KCNH8: variants seen among roughly 807,000 people sequenced by gnomAD.
The protein encoded by KCNH8 is voltage-gated delayed rectifier potassium channel KCNH8.
A neutral mutation model predicts 103.6 loss-of-function variants in KCNH8; 70 were observed. The ratio of observed to expected loss-of-function variants is 0.68; its 90% confidence interval spans 0.56 to 0.82. The LOEUF is 0.82. Among genes scored for constraint, KCNH8 ranks in the 40% least tolerant of loss-of-function variants. The pLI, the probability that KCNH8 is intolerant of heterozygous loss-of-function variation, is 0.00. For missense variants in KCNH8, 1,217 were observed against 1,329.9 expected, an observed-to-expected ratio of 0.92 and a Z score of 1.32; for synonymous variants, 498 against 489.4, an observed-to-expected ratio of 1.02 and a Z score of -0.23.
At chr3:19,313,763 A>G (rs1241648499) in intron 3 of KCNH8, among the ~76,000 whole-genome samples, 1 of 151,866 alleles carries the variant, frequency 6.6e-6, no homozygotes, top group Admixed American at 6.6e-5. Context: ...AGTGTCATGC[A>G]TAAGATTATA....
rs889509260 is a variant in KCNH8, at chr3:19,515,504, T to C, written c.2542+76T>C. On this transcript the variant is annotated intron_variant, in intron 14 of 15. Coordinates refer to ENST00000328405, the MANE Select transcript of KCNH8 (RefSeq NM_144633.3). ...TGTAATGTTTGTTATGGGCATTTTTTTTTTTTTGCTTTCCTGTCCTTAGAA... is the reference window on the plus strand; with the variant it reads ...TGTAATGTTTGTTATGGGCATTTTTCTTTTTTTGCTTTCCTGTCCTTAGAA... 10 of 629,918 alleles carry C rather than the reference T, an allele frequency of 1.6e-5. No individual in the cohort carries two copies. In the East Asian group the frequency reaches 3.2e-4, roughly 20 times the overall value. 39.0% of individuals were successfully genotyped at this position (629,918 alleles called of 1,614,324 possible). A position where few individuals can be genotyped will look rare whatever the true frequency, so the allele number is the denominator to read the frequency against.
Position 19,533,713 on chromosome 3 carries a change from C to T in KCNH8, c.2938C>T (p.Pro980Ser), listed in dbSNP as rs1013848471. The change falls in exon 16 of 16, where the codon CCT becomes TCT. Residue 980 changes from proline (P) to serine (S), a missense_variant. Around this residue, in one of 3 missense-constraint regions of KCNH8, gnomAD observed 558 missense variants for 495.8 expected, o/e 1.13. Transcript: ENST00000328405. Reference protein sequence around the residue: ...PQRTGAHEQNPADSELYHSPS... With the variant: ...PQRTGAHEQNSADSELYHSPS... ...ACGAACTGGAGCTCATGAGCAAAAT[C>T]CTGCAGACAGTGAACTTTATCATTC... 7 of 1,614,160 alleles carry T rather than the reference C, an allele frequency of 4.3e-6. No individual in the cohort carries two copies.
intron 7 of KCNH8, among the ~76,000 whole-genome samples, chr3:19,435,054 A>C (rs2067178031): frequency 6.6e-6 from 1 of 152,144 alleles, no homozygotes; most frequent in Non-Finnish European, 1.5e-5. Context: ...ACACACACAC[A>C]AAAAGACAAC....
chr3:19,470,509 G>C (rs1009477863), intron 11 of KCNH8, among the ~76,000 whole-genome samples: 4 of 152,138 alleles, frequency 2.6e-5, no homozygotes, highest in Non-Finnish European at 5.9e-5. Context: ...GTTGATTCTA[G>C]ATTCTTGTGT....
chr3:19,427,325 G>A (rs2067043405), intron 7 of KCNH8, among the ~76,000 whole-genome samples: 1 of 152,172 alleles, frequency 6.6e-6, no homozygotes, highest in Admixed American at 6.6e-5. Context: ...TCTTTCCACT[G>A]TTTCAAATCC....
At chr3:19,256,708 G>A (rs928873113) in intron 2 of KCNH8, among the ~76,000 whole-genome samples, 9 of 152,020 alleles carry the variant, frequency 5.9e-5, no homozygotes, top group Non-Finnish European at 4.4e-5. Flanking sequence ...TAGAAAGTAT[G>A]GCGTACAGGT....
chr3:19,177,842 T>C (rs2063415321), intron 1 of KCNH8, among the ~76,000 whole-genome samples: 1 of 152,126 alleles, frequency 6.6e-6, no homozygotes, highest in South Asian at 2.1e-4. Flanking sequence ...ATAATTAATA[T>C]AATCTTAACA....
chr3:19,500,501 C>T (rs893001772), intron 11 of KCNH8, among the ~76,000 whole-genome samples: 1 of 151,940 alleles, frequency 6.6e-6, no homozygotes, highest in African/African-American at 2.4e-5. Context: ...CAGCACCACA[C>T]CTATTCCAAA....
chr3:19,316,346 T>C (rs2065273925), intron 3 of KCNH8, among the ~76,000 whole-genome samples: 1 of 151,858 alleles, frequency 6.6e-6, no homozygotes, highest in African/African-American at 2.4e-5. Context: ...TTGTCAGATA[T>C]CCCCTTAGTG....
In KCNH8 at chr3:19,382,318, A is replaced by C. The variant is rs573726265; in HGVS notation, c.812-8163A>C. On this transcript the variant is annotated intron_variant, in intron 5 of 15. Transcript: ENST00000328405. ...TATACAGACAGACTCTTAAAGTGTA[A>C]CTTTTAGCTCTTCCACTGCCTAGTT... Among the ~76,000 whole-genome samples, 143 of 152,298 alleles carry C rather than the reference A, an allele frequency of 9.4e-4. 1 individual carries two copies. Among genetic ancestry groups the C allele is most frequent in the Non-Finnish European group, 1.6e-3 (110 of 68,026 alleles).
intron 7 of KCNH8, among the ~76,000 whole-genome samples, chr3:19,424,766 A>G (rs774702927): frequency 6.6e-6 from 1 of 152,178 alleles, no homozygotes; most frequent in Non-Finnish European, 1.5e-5. Context: ...AAATAATCCT[A>G]TAAAAAAGTG....
intron 2 of KCNH8, among the ~76,000 whole-genome samples, chr3:19,269,186 T>G (rs2064554403): frequency 6.6e-6 from 1 of 152,032 alleles, no homozygotes; most frequent in Admixed American, 6.5e-5. Flanking sequence ...AAAAAATAAC[T>G]TATAACTCGG....
At chr3:19,285,664 A>G (rs1265321698) in intron 3 of KCNH8, among the ~76,000 whole-genome samples, 1 of 151,544 alleles carries the variant, frequency 6.6e-6, no homozygotes, top group Non-Finnish European at 1.5e-5. Flanking sequence ...ATTCCCATTT[A>G]TTGATGAATT....
Position 19,342,614 on chromosome 3 carries a change from G to T in KCNH8, c.470G>T (p.Gly157Val). ...AAAGTCAAAGGAAGATCAAGAGCAG[G>T]GACCCACTTTGACTCAGCCCGGAGA... ...EDKVKGRSRA[G>V]THFDSARRRS... The change falls in exon 4 of 16, where the codon GGG becomes GTG. Residue 157 changes from glycine (G) to valine (V), a missense_variant. Coordinates refer to ENST00000328405, the MANE Select transcript of KCNH8 (RefSeq NM_144633.3). The T allele has an allele frequency of 6.2e-7, 1 of 1,610,654 alleles. No homozygotes were observed.
At chr3:19,514,603 A>C (rs1367443534) in intron 13 of KCNH8, among the ~76,000 whole-genome samples, 1 of 151,728 alleles carries the variant, frequency 6.6e-6, no homozygotes. Flanking sequence ...TTTATGTTTA[A>C]ATTTTCTACA....
At chr3:19,186,877 C>T (rs1434174795) in intron 1 of KCNH8, among the ~76,000 whole-genome samples, 1 of 151,938 alleles carries the variant, frequency 6.6e-6, no homozygotes, top group African/African-American at 2.4e-5. Flanking sequence ...GCTTCTTAAG[C>T]AAGGATTGTC....
At chr3:19,498,002 T>C (rs1020883186) in intron 11 of KCNH8, among the ~76,000 whole-genome samples, 1 of 152,212 alleles carries the variant, frequency 6.6e-6, no homozygotes, top group Admixed American at 6.5e-5. Flanking sequence ...TGTCCTACTC[T>C]ATCTTTTTTG....
chr3:19,274,870 C>A, intron 2 of KCNH8, among the ~76,000 whole-genome samples: 1 of 89,436 alleles, frequency 1.1e-5, no homozygotes, highest in African/African-American at 5.3e-5. Flanking sequence ...CCACCCCTCC[C>A]CTCCCCACCC....
At chr3:19,276,031 A>T (rs2064665611) in intron 2 of KCNH8, among the ~76,000 whole-genome samples, 1 of 151,998 alleles carries the variant, frequency 6.6e-6, no homozygotes, top group Non-Finnish European at 1.5e-5. Flanking sequence ...GGTAACTTGG[A>T]GCTTTCTGGT....
Sources: gnomAD v4.1 joint callset for allele counts (sites outside exome capture counted in the v4.1 genomes callset) on GRCh38, gnomAD v4.1.1 for gene constraint, gnomAD v4.1.1 regional missense constraint, MANE v1.5 for transcripts, NCBI Gene and HGNC (gene_info 2026-07-23, HGNC 2026-07-21) for gene names.